The following BLVRA variants were observed in gnomAD, a reference collection of about 807,000 sequenced individuals.
BLVRA encodes biliverdin reductase A.
In BLVRA, 22 loss-of-function variants were observed where a neutral mutation model predicts 32.8. The observed-to-expected ratio is 0.67, with a 90% CI of 0.48 to 0.96. BLVRA has a LOEUF of 0.96. BLVRA is among the 40% of genes least tolerant of loss of function. BLVRA has a pLI of 0.00. For synonymous variants in BLVRA, 119 were observed against 141.3 expected, an observed-to-expected ratio of 0.84 and a Z score of 1.12; for missense variants, 323 against 358.1, an observed-to-expected ratio of 0.90 and a Z score of 0.79.
chr7:43,796,265 T>C (rs1240038988), intron 5 of BLVRA, among the ~76,000 whole-genome samples: 1 of 152,190 alleles, frequency 6.6e-6, no homozygotes, highest in African/African-American at 2.4e-5. Context: ...CTTATACAAT[T>C]GTTATACTCC....
intron 2 of BLVRA, among the ~76,000 whole-genome samples, chr7:43,785,301 G>C (rs181571495): frequency 4.8e-5 from 7 of 145,386 alleles, no homozygotes; most frequent in Non-Finnish European, 7.5e-5. Context: ...TCCAGAGGCT[G>C]TCTTACTGCT....
intron 1 of BLVRA, among the ~76,000 whole-genome samples, chr7:43,763,710 C>T (rs1440070266): frequency 1.3e-5 from 2 of 152,214 alleles, no homozygotes; most frequent in Admixed American, 1.3e-4. Context: ...CATATTTCAA[C>T]TCATGTGTGC....
chr7:43,769,635 C>T (rs1464356576), intron 1 of BLVRA, among the ~76,000 whole-genome samples: 1 of 150,792 alleles, frequency 6.6e-6, no homozygotes, highest in African/African-American at 2.4e-5. Flanking sequence ...GAGACAGAGT[C>T]TCACTCTGTC....
At chr7:43,760,034 A>G (rs1026634786) in intron 1 of BLVRA, 4 of 129,974 alleles carry the variant, frequency 3.1e-5, no homozygotes, top group African/African-American at 9.2e-5. Flanking sequence ...CCCTGTCACC[A>G]GGCTGGAGTA....
chr7:43,792,540 T>C (rs1349319049), intron 4 of BLVRA, among the ~76,000 whole-genome samples, 175 bp from the exon 5 acceptor site: 1 of 152,198 alleles, frequency 6.6e-6, no homozygotes, highest in Non-Finnish European at 1.5e-5. Flanking sequence ...TAGAAAACAA[T>C]GTGGGATACA....
At position 43,788,891 on chromosome 7, in the gene BLVRA, G is replaced by A. The variant is rs1200821833; in HGVS notation, c.134+866G>A. ...TGGGGTCAAGTGATCCTCCTGCCTCGGCCTCCCAAAGTGCTGAGATTATAG... is the reference window on the plus strand; with the variant it reads ...TGGGGTCAAGTGATCCTCCTGCCTCAGCCTCCCAAAGTGCTGAGATTATAG... On this transcript the variant is annotated intron_variant, in intron 3 of 7. Coordinates refer to ENST00000265523, the MANE Select transcript of BLVRA (RefSeq NM_000712.4). Among the ~76,000 whole-genome samples, 8 of 150,294 alleles carry A rather than the reference G, an allele frequency of 5.3e-5. No individual in the cohort carries two copies. The East Asian group carries it at 5.9e-4, about 11-fold the overall frequency.
At chr7:43,786,060 G>C (rs1237892648) in intron 2 of BLVRA, among the ~76,000 whole-genome samples, 1 of 152,158 alleles carries the variant, frequency 6.6e-6, no homozygotes, top group Non-Finnish European at 1.5e-5. Context: ...AATGTAAATT[G>C]TCTAAACGTT....
At chr7:43,801,990 A>T (rs1220298402) in intron 6 of BLVRA, among the ~76,000 whole-genome samples, 1 of 152,126 alleles carries the variant, frequency 6.6e-6, no homozygotes, top group Non-Finnish European at 1.5e-5. Flanking sequence ...AAAAATACAA[A>T]AATTAGTCGG....
At chr7:43,783,307 G>C (rs968179143) in intron 2 of BLVRA, among the ~76,000 whole-genome samples, 1 of 152,142 alleles carries the variant, frequency 6.6e-6, no homozygotes, top group Non-Finnish European at 1.5e-5. Flanking sequence ...ACAGGTTTCT[G>C]GGCTGTCCTT....
rs2095754332 is a variant in BLVRA, at chr7:43,771,231, C to T, written c.12+61C>T. 3 of 1,568,996 alleles carry T rather than the reference C, an allele frequency of 1.9e-6. No individual in the cohort carries two copies. The Admixed American group carries it at 5.0e-5, about 26-fold the overall frequency. Reference sequence around the variant, plus strand: ...TTTCTTATTGTGTCCCTCATTTCTCCTTTGCAGAGTCTCCATTCCCTTTCA... The same window carrying T: ...TTTCTTATTGTGTCCCTCATTTCTCTTTTGCAGAGTCTCCATTCCCTTTCA... On this transcript the variant is annotated intron_variant, in intron 2 of 7. Coordinates refer to ENST00000265523, the MANE Select transcript of BLVRA (RefSeq NM_000712.4).
chr7:43,773,571 CT>C (rs2095757124), intron 2 of BLVRA, among the ~76,000 whole-genome samples: 1 of 152,132 alleles, frequency 6.6e-6, no homozygotes, highest in African/African-American at 2.4e-5. Flanking sequence ...CAAGTCTTTG[CT>C]TTTGTGAATA....
chr7:43,798,876 A>G (rs2095795664), intron 5 of BLVRA, among the ~76,000 whole-genome samples: 1 of 152,070 alleles, frequency 6.6e-6, no homozygotes, highest in South Asian at 2.1e-4. Context: ...AACAAAAGAC[A>G]CAGCTGGAAA....
chr7:43,777,773 G>A (rs1339398462), intron 2 of BLVRA, among the ~76,000 whole-genome samples: 2 of 152,120 alleles, frequency 1.3e-5, no homozygotes, highest in Non-Finnish European at 2.9e-5. Context: ...GTCACTTTCA[G>A]GTACACCAAT....
chr7:43,769,035 G>C (rs778489223), intron 1 of BLVRA, among the ~76,000 whole-genome samples: 1 of 151,778 alleles, frequency 6.6e-6, no homozygotes, highest in Admixed American at 6.6e-5. Flanking sequence ...CAGAGGTGAC[G>C]ACATGTGAGA....
At chr7:43,802,463 A>G (rs529653487) in intron 6 of BLVRA, among the ~76,000 whole-genome samples, 2 of 152,176 alleles carry the variant, frequency 1.3e-5, no homozygotes, top group East Asian at 3.9e-4. Context: ...TCTTGACCAA[A>G]TGGATTTCTC....
chr7:43,787,068 G>A lies in BLVRA; in HGVS notation c.13-836G>A, dbSNP rs879902778. Among the ~76,000 whole-genome samples, 9 of 152,082 alleles carry A rather than the reference G, an allele frequency of 5.9e-5. No homozygotes were observed. Among genetic ancestry groups the A allele is most frequent in the South Asian group, 4.2e-4 (2 of 4,818 alleles). On this transcript the variant is annotated intron_variant, in intron 2 of 7. Coordinates refer to ENST00000265523, the MANE Select transcript of BLVRA (RefSeq NM_000712.4). This position sits in a 1 kb window ranked among gnomAD's most constrained non-coding sequence, Gnocchi z 4.5. The stretch of plus-strand genomic sequence containing the variant: ...CTCCTAAGTAGCTGGGATTACAGGC[G>A]CCTGCCAACAGGCCCAGCTAATTTT...
intron 6 of BLVRA, among the ~76,000 whole-genome samples, chr7:43,801,559 G>A (rs530961773): frequency 1.0e-3 from 152 of 152,222 alleles, no homozygotes; most frequent in African/African-American, 3.4e-3. Context: ...TTCAAAATCT[G>A]TCTTCATCCT....
intron 5 of BLVRA, among the ~76,000 whole-genome samples, chr7:43,798,648 T>C (rs369778767): frequency 6.6e-6 from 1 of 152,246 alleles, no homozygotes; most frequent in Non-Finnish European, 1.5e-5. Context: ...GCTCATCTTG[T>C]ACTTTCTCTG....
chr7:43,796,656 A>C (rs915805775), intron 5 of BLVRA, among the ~76,000 whole-genome samples: 8 of 152,242 alleles, frequency 5.3e-5, no homozygotes, highest in African/African-American at 1.9e-4. Flanking sequence ...ATAATGTCTT[A>C]CATACGACAT....
Sources: gnomAD v4.1 joint callset for allele counts (sites outside exome capture counted in the v4.1 genomes callset) on GRCh38, gnomAD v4.1.1 for gene constraint, Gnocchi (gnomAD v3.1) non-coding constraint, MANE v1.5 for transcripts, NCBI Gene and HGNC (gene_info 2026-07-23, HGNC 2026-07-21) for gene names.